STPG2: variants seen among roughly 807,000 people sequenced by gnomAD.
STPG2 encodes the protein sperm tail PG-rich repeat containing 2.
In STPG2, 56 loss-of-function variants were observed where a neutral mutation model predicts 54.2. That is an observed-to-expected ratio of 1.03 (90% CI 0.83 to 1.29). The LOEUF (loss-of-function observed/expected upper bound fraction) is 1.29. STPG2 is among the 50% of genes most tolerant of loss of function. The pLI is 0.00. For synonymous variants in STPG2, 200 were observed against 181.8 expected, an observed-to-expected ratio of 1.10 and a Z score of -0.81; for missense variants, 596 against 544.9, an observed-to-expected ratio of 1.09 and a Z score of -0.93.
At chr4:98,003,280 C>T (rs1007490857) in intron 5 of STPG2, among the ~76,000 whole-genome samples, 2 of 152,082 alleles carry the variant, frequency 1.3e-5, no homozygotes, top group African/African-American at 4.8e-5. Flanking sequence ...TGGAAGACAA[C>T]ACTGACTACA....
In STPG2 at chr4:97,669,269, C is replaced by T. The variant is rs200058156; in HGVS notation, c.1320+43430G>A. On this transcript the variant is annotated intron_variant, in intron 10 of 10. Coordinates refer to ENST00000295268, the MANE Select transcript of STPG2 (RefSeq NM_174952.3). Reference sequence around the variant, plus strand: ...GGACTCCTAAAGGCCACCTGGATGTCGCATGGATGTTATATGTTATAGTCT... The same window carrying T: ...GGACTCCTAAAGGCCACCTGGATGTTGCATGGATGTTATATGTTATAGTCT... Among the ~76,000 whole-genome samples the T allele has an allele frequency of 7.2e-5, 11 of 152,098 alleles. No homozygotes were observed. The East Asian group carries it at 1.9e-3, about 27-fold the overall frequency.
At chr4:97,753,141 T>G (rs930994424) in intron 9 of STPG2, among the ~76,000 whole-genome samples, 1 of 151,944 alleles carries the variant, frequency 6.6e-6, no homozygotes, top group Admixed American at 6.6e-5. Context: ...TCAAATTCAT[T>G]CAAAATGTTG....
chr4:97,490,117 T>C (rs1730470720), intron 4 of STPG2: 2 of 151,380 alleles, frequency 1.3e-5, no homozygotes, highest in African/African-American at 4.8e-5. Flanking sequence ...TATCTAGAAA[T>C]ATAACCTAGT....
At chr4:98,098,654 A>G (rs1738931964) in intron 5 of STPG2, among the ~76,000 whole-genome samples, 2 of 152,204 alleles carry the variant, frequency 1.3e-5, no homozygotes, top group African/African-American at 4.8e-5. Flanking sequence ...ATTTCTGCAC[A>G]GCAAAGGAAA....
intron 5 of STPG2, among the ~76,000 whole-genome samples, chr4:98,097,140 G>A (rs530653994): frequency 2.3e-4 from 35 of 152,128 alleles, no homozygotes; most frequent in African/African-American, 6.5e-4. Flanking sequence ...GTATTACCCC[G>A]ATACCAAAAT....
chr4:98,101,878 C>T (rs1739049373), intron 5 of STPG2, among the ~76,000 whole-genome samples: 2 of 149,558 alleles, frequency 1.3e-5, no homozygotes. Context: ...CCCTCCCCCC[C>T]GACCTTAGCC....
chr4:97,663,033 T>C (rs1482509929), intron 10 of STPG2, among the ~76,000 whole-genome samples: 9 of 152,016 alleles, frequency 5.9e-5, no homozygotes, highest in Non-Finnish European at 1.2e-4. Flanking sequence ...ACATTTCATG[T>C]TGTCATTTTA....
At chr4:97,482,749 A>G (rs920798745) in intron 4 of STPG2, among the ~76,000 whole-genome samples, 2 of 151,606 alleles carry the variant, frequency 1.3e-5, no homozygotes, top group African/African-American at 4.8e-5. Context: ...ACCTAGGTAC[A>G]CTGTCATCAG....
intron 9 of STPG2, among the ~76,000 whole-genome samples, chr4:97,748,523 GAGAA>G (rs772636217): frequency 1.6e-4 from 25 of 151,598 alleles, no homozygotes; most frequent in Non-Finnish European, 3.4e-4. Context: ...AGAACAAAAA[GAGAA>G]AGGGAACATA....
chr4:97,702,413 C>G (rs78997373), intron 10 of STPG2, among the ~76,000 whole-genome samples: 95 of 152,232 alleles, frequency 6.2e-4, no homozygotes, highest in Non-Finnish European at 1.1e-3. Context: ...GCAGTTTTTT[C>G]AAGTGTAACA....
intron 4 of STPG2, among the ~76,000 whole-genome samples, chr4:97,529,906 C>T (rs992526987): frequency 3.3e-5 from 5 of 152,090 alleles, no homozygotes; most frequent in South Asian, 2.1e-4. Context: ...TCTGAAGTAG[C>T]TGCTATTATG....
chr4:97,493,469 A>G (rs1258286680), intron 4 of STPG2, among the ~76,000 whole-genome samples: 1 of 151,498 alleles, frequency 6.6e-6, no homozygotes, highest in Non-Finnish European at 1.5e-5. Context: ...CTCAAGGAGA[A>G]TATTAGTGGA....
chr4:98,066,219 G>A (rs941992134), intron 5 of STPG2, among the ~76,000 whole-genome samples: 3 of 152,132 alleles, frequency 2.0e-5, no homozygotes, highest in South Asian at 2.1e-4. Context: ...CTCATAAAAG[G>A]AAAATTCAGT....
At chr4:97,571,266 G>T (rs192684609) in intron 10 of STPG2, among the ~76,000 whole-genome samples, 1 of 152,118 alleles carries the variant, frequency 6.6e-6, no homozygotes, top group East Asian at 1.9e-4. Flanking sequence ...GAAACTGGTA[G>T]AAGGACTAGT....
At chr4:97,831,907 C>T (rs1244705491) in intron 9 of STPG2, among the ~76,000 whole-genome samples, 1 of 152,118 alleles carries the variant, frequency 6.6e-6, no homozygotes, top group Non-Finnish European at 1.5e-5. Context: ...ACATCCAGGA[C>T]CAGATGGATT....
chr4:97,894,605 TAACCA>T (rs1730892552), intron 8 of STPG2, among the ~76,000 whole-genome samples: 1 of 151,934 alleles, frequency 6.6e-6, no homozygotes, highest in African/African-American at 2.4e-5. Flanking sequence ...TACTCAATCT[TAACCA>T]TGCTCTTCAG....
rs550383102 is a variant in STPG2 at position 97,791,115 on chromosome 4, T to G, written c.1204+49658A>C. ...TTATTTCTTACTGACATAGGTTCAT[T>G]TGAATTTGTATTTAATAAAACCTTG... is the stretch of plus-strand genomic sequence containing the variant. On this transcript the variant is annotated intron_variant, in intron 9 of 10. Coordinates refer to ENST00000295268, the MANE Select transcript of STPG2 (RefSeq NM_174952.3). Among the ~76,000 whole-genome samples, 97 of 152,270 alleles carry G rather than the reference T, an allele frequency of 6.4e-4. 3 individuals carry two copies. The South Asian group carries it at 0.019, about 30-fold the overall frequency.
intron 9 of STPG2, among the ~76,000 whole-genome samples, chr4:97,735,175 A>AGTTC (rs1287929380): frequency 1.3e-5 from 2 of 152,010 alleles, no homozygotes; most frequent in Non-Finnish European, 2.9e-5. Flanking sequence ...ATTTATATAT[A>AGTTC]GTTCATATAT....
At chr4:97,723,127 T>TA (rs1237598966) in intron 9 of STPG2, among the ~76,000 whole-genome samples, 1 of 152,044 alleles carries the variant, frequency 6.6e-6, no homozygotes. Flanking sequence ...CCTGCCAATT[T>TA]TAAATATTGG....
Sources: allele counts gnomAD v4.1 joint callset (sites outside exome capture counted in the v4.1 genomes callset), GRCh38; gene constraint gnomAD v4.1.1; transcripts MANE v1.5; gene names NCBI Gene and HGNC (gene_info 2026-07-23, HGNC 2026-07-21).